The following NLN variants were observed in gnomAD, a reference collection of about 807,000 sequenced individuals.
The protein encoded by NLN is neurolysin, mitochondrial.
NLN carries 64 observed loss-of-function variants against 79.9 expected under a neutral mutation model. That is an observed-to-expected ratio of 0.80 (90% confidence interval 0.65 to 0.99). NLN has a LOEUF of 0.99. Among genes scored for constraint, NLN ranks in the 50% least tolerant of loss-of-function variants. NLN has a pLI of 0.00. For missense variants in NLN, 835 were observed against 858.7 expected, an observed-to-expected ratio of 0.97 and a Z score of 0.34; for synonymous variants, 267 against 296.6, an observed-to-expected ratio of 0.90 and a Z score of 1.02.
chr5:65,758,613 G>A lies in NLN; in HGVS notation c.88G>A (p.Val30Met). The change falls in exon 2 of 13, where the codon GTG becomes ATG. Residue 30 changes from valine to methionine, a missense_variant. Coordinates refer to ENST00000380985, the MANE Select transcript of NLN (RefSeq NM_020726.5). ...ACTCAGAATGACGTTAGGAAGAGAA[G>A]TGATGTCTCCTCTTCAGGCAATGTC... is the stretch of plus-strand genomic sequence containing the variant. ...ILLRMTLGREVMSPLQAMSSY... is the reference protein window; with the variant it reads ...ILLRMTLGREMMSPLQAMSSY... 6.2e-7 allele frequency: 1 copy of A among 1,610,280 alleles called. No homozygotes were observed. Among genetic ancestry groups the A allele is most frequent in the Non-Finnish European group, 8.5e-7 (1 of 1,176,654 alleles).
At chr5:65,753,560 G>A (rs1371665914) in intron 1 of NLN, among the ~76,000 whole-genome samples, 2 of 151,368 alleles carry the variant, frequency 1.3e-5, no homozygotes, top group East Asian at 3.9e-4. Context: ...TGAGGCACGA[G>A]AATCGCTTTA....
At chr5:65,800,311 A>G (rs1322481290) in intron 9 of NLN, among the ~76,000 whole-genome samples, 1 of 152,212 alleles carries the variant, frequency 6.6e-6, no homozygotes, top group East Asian at 1.9e-4. Context: ...GTTAATCTCT[A>G]TAGCATCAAG....
chr5:65,792,783 T>G (rs1231925786), intron 9 of NLN, 128 bp downstream of exon 9: 3 of 835,488 alleles, frequency 3.6e-6, no homozygotes, highest in African/African-American at 1.7e-5. Flanking sequence ...TTTATAGGCC[T>G]TCTGCAAAAC....
In NLN at chr5:65,810,079, AGTCTCTT is replaced by A; in HGVS notation, c.1758_1764del (p.Gln586HisfsTer21). The A allele has an allele frequency of 1.2e-6, 2 of 1,614,054 alleles. No individual in the cohort carries two copies. The highest frequency in any genetic ancestry group is 8.5e-7 in the Non-Finnish European group (1 of 1,179,884). On this transcript the variant is annotated frameshift_variant, in exon 11 of 13. Transcript: ENST00000380985. LOFTEE classifies it high-confidence loss of function. ...CAGATTGTTTTGAGCAAAGTTGATC[AGTCTCTT>A]CATACCAACACATCGCTGGATGCTG...
intron 12 of NLN, among the ~76,000 whole-genome samples, chr5:65,819,749 A>C (rs1180293038): frequency 1.3e-5 from 2 of 152,200 alleles, no homozygotes; most frequent in African/African-American, 2.4e-5. Flanking sequence ...CTTAGGGCAA[A>C]GACTCCCTCC....
At chr5:65,819,709 T>G (rs941041955) in intron 12 of NLN, among the ~76,000 whole-genome samples, 1 of 152,152 alleles carries the variant, frequency 6.6e-6, no homozygotes, top group Non-Finnish European at 1.5e-5. Context: ...CACAGTTAGT[T>G]TCTTTATAAA....
At chr5:65,803,445 G>T (rs566442842) in intron 9 of NLN, among the ~76,000 whole-genome samples, 1 of 151,786 alleles carries the variant, frequency 6.6e-6, no homozygotes, top group Non-Finnish European at 1.5e-5. Context: ...CACCTGGCCA[G>T]GTTGTGACAG....
In NLN at chr5:65,827,396, C is replaced by G. The variant is rs1760941367; in HGVS notation, c.*4481C>G. The G allele has an allele frequency of 6.6e-6, 1 of 152,198 alleles. No homozygotes were observed. Among genetic ancestry groups the G allele is most frequent in the Non-Finnish European group, 1.5e-5 (1 of 68,048 alleles). 9.4% of individuals were successfully genotyped at this position (152,198 alleles called of 1,614,324 possible). ...CTGCATATTTCATAGACCCCAGAGGCTCACCTCAATTGTACTCCTATGATA... is the reference window on the plus strand; with the variant it reads ...CTGCATATTTCATAGACCCCAGAGGGTCACCTCAATTGTACTCCTATGATA... On this transcript the variant is annotated 3_prime_UTR_variant, in exon 13 of 13. Transcript: ENST00000380985.
At chr5:65,797,061 C>T (rs941134673) in intron 9 of NLN, among the ~76,000 whole-genome samples, 10 of 152,314 alleles carry the variant, frequency 6.6e-5, no homozygotes, top group East Asian at 5.8e-4. Context: ...ACTCGTATTA[C>T]GTTTACAGGG....
In NLN at chr5:65,780,484, G is replaced by T. The variant is rs546009929; in HGVS notation, c.661+203G>T. On this transcript the variant is annotated intron_variant, in intron 5 of 12. Transcript: ENST00000380985. ...AAAATTAGATTTTAGGCTAATGAGG[G>T]TATATAAAATTTCTAGAGACAGTCC... Among the ~76,000 whole-genome samples the T allele has an allele frequency of 2.0e-5, 3 of 151,074 alleles. No individual in the cohort carries two copies. The East Asian group carries it at 5.8e-4, about 29-fold the overall frequency.
rs545916076 is a variant in NLN, at chr5:65,796,587, A to T, written c.1527+3932A>T. On this transcript the variant is annotated intron_variant, in intron 9 of 12. Coordinates refer to ENST00000380985, the MANE Select transcript of NLN (RefSeq NM_020726.5). ...CTTTACTTGGTCATATCTTCATGAG[A>T]TTATCTTTGAAAAATCTCTTCTTGT... 2.0e-5 allele frequency among the ~76,000 whole-genome samples: 3 copies of T among 152,326 alleles called. No individual in the cohort carries two copies. In the East Asian group the frequency reaches 5.8e-4, roughly 29 times the overall value.
rs199964038 is a variant in NLN at position 65,824,434 on chromosome 5, T to TC, written c.*1522dup. 1 of 148,654 alleles carries TC rather than the reference T, an allele frequency of 6.7e-6. No homozygotes were observed. Among genetic ancestry groups the TC allele is most frequent in the South Asian group, 2.1e-4 (1 of 4,682 alleles). 9.2% of individuals were successfully genotyped at this position (148,654 alleles called of 1,614,324 possible). On this transcript the variant is annotated 3_prime_UTR_variant, in exon 13 of 13. Coordinates refer to ENST00000380985, the MANE Select transcript of NLN (RefSeq NM_020726.5). Reference sequence around the variant, plus strand: ...GAGATAATTTGCCCAGCCCTTCTCTTCCCACACACTCACTCAATGTCACCC... The same window carrying TC: ...GAGATAATTTGCCCAGCCCTTCTCTTCCCCACACACTCACTCAATGTCACCC...
chr5:65,722,283 G>A lies in NLN; in HGVS notation c.-91G>A, dbSNP rs1579895919. 9.7e-7 allele frequency: 1 copy of A among 1,035,636 alleles called. No homozygotes were observed. The highest frequency in any genetic ancestry group is 1.3e-6 in the Non-Finnish European group (1 of 743,288). The allele number at this position is 1,035,636 out of a possible 1,614,324, so 64.2% of individuals were successfully genotyped here. A position where few individuals can be genotyped will look rare whatever the true frequency, so the allele number is the denominator to read the frequency against. On this transcript the variant is annotated 5_prime_UTR_variant, in exon 1 of 13. Coordinates refer to ENST00000380985, the MANE Select transcript of NLN (RefSeq NM_020726.5). ...GTGGCCTCTGCGGCTAGGCCGGCTC[G>A]AGACTCCCGGGCGCCCAGGCGCTGC...
At chr5:65,794,117 C>T (rs993199685) in intron 9 of NLN, among the ~76,000 whole-genome samples, 2 of 152,100 alleles carry the variant, frequency 1.3e-5, no homozygotes, top group African/African-American at 4.8e-5. Context: ...GGAAGTAACC[C>T]TGAATGGAGC....
At chr5:65,767,728 A>G (rs1759482941) in intron 3 of NLN, among the ~76,000 whole-genome samples, 1 of 152,212 alleles carries the variant, frequency 6.6e-6, no homozygotes, top group Non-Finnish European at 1.5e-5. Flanking sequence ...TTTAAACATA[A>G]GTCCCGATTT....
chr5:65,742,314 G>A (rs1301456), intron 1 of NLN, among the ~76,000 whole-genome samples: 43,379 of 152,000 alleles, frequency 0.29, 7,406 homozygotes, highest in East Asian at 0.54. Flanking sequence ...GGATGTATGT[G>A]GCACTGTTTC....
chr5:65,730,823 A>G (rs1233311486), intron 1 of NLN, among the ~76,000 whole-genome samples: 2 of 152,220 alleles, frequency 1.3e-5, no homozygotes, highest in African/African-American at 2.4e-5. Flanking sequence ...AAGTGCTGGG[A>G]TTACAGGCGT....
chr5:65,780,643 C>G (rs981623914), intron 5 of NLN, among the ~76,000 whole-genome samples: 4 of 151,652 alleles, frequency 2.6e-5, no homozygotes, highest in African/African-American at 9.7e-5. Flanking sequence ...AAACTAGTCT[C>G]TTCTTACTCA....
chr5:65,743,818 T>C (rs1758916751), intron 1 of NLN, among the ~76,000 whole-genome samples: 1 of 152,306 alleles, frequency 6.6e-6, no homozygotes, highest in Admixed American at 6.5e-5. Context: ...TTTATGAAAG[T>C]CACTAAAAAG....
Sources: allele counts gnomAD v4.1 joint callset (sites outside exome capture counted in the v4.1 genomes callset), GRCh38; gene constraint gnomAD v4.1.1; transcripts MANE v1.5; gene names NCBI Gene and HGNC (gene_info 2026-07-23, HGNC 2026-07-21).